CD247: variants seen among roughly 807,000 people sequenced by gnomAD.
CD247 encodes T-cell surface glycoprotein CD3 zeta chain.
Under a neutral mutation model 30.0 loss-of-function variants are expected in CD247, and 13 were observed. The ratio of observed to expected loss-of-function variants is 0.43; its 90% confidence interval spans 0.28 to 0.69. The LOEUF is 0.69. Ranked by LOEUF, CD247 falls within the 30% of genes least tolerant of loss-of-function variation. The pLI is 0.16. For synonymous variants in CD247, 72 were observed against 80.0 expected (o/e 0.90, Z 0.53); for missense variants, 193 against 212.6 (o/e 0.91, Z 0.57).
chr1:167,512,014 T>C (rs1459217433), intron 1 of CD247, among the ~76,000 whole-genome samples: 1 of 152,156 alleles, frequency 6.6e-6, no homozygotes, highest in African/African-American at 2.4e-5. Flanking sequence ...GTCCTGCTTG[T>C]CTTTGTTCTA....
chr1:167,431,827 T>A (rs1163415711), intron 7 of CD247, 81 bp from the exon 8 acceptor site: 1 of 1,191,928 alleles, frequency 8.4e-7, no homozygotes, highest in Non-Finnish European at 1.3e-6. Flanking sequence ...CCAACAGGTG[T>A]CTCTGCAGCA....
chr1:167,474,817 A>G (rs1470319408), intron 1 of CD247, among the ~76,000 whole-genome samples: 1 of 141,128 alleles, frequency 7.1e-6, no homozygotes, highest in Non-Finnish European at 1.5e-5. Flanking sequence ...CAGTGGTACG[A>G]TCTCCACTCA....
chr1:167,498,749 G>C (rs976363471), intron 1 of CD247, among the ~76,000 whole-genome samples: 1 of 152,150 alleles, frequency 6.6e-6, no homozygotes, highest in African/African-American at 2.4e-5. Flanking sequence ...CTTTAATTTA[G>C]GTCTGATTGC....
Position 167,432,904 on chromosome 1 carries a change from G to T in CD247, c.429+120C>A, listed in dbSNP as rs1651341215. On this transcript the variant is annotated intron_variant, in intron 7 of 7. Transcript: ENST00000362089. ...CCACTGGCCTAAATGGGTGCCTTGGGCTTGCCCTGCCCAGCTGTTGGCAAG... is the reference window on the plus strand; with the variant it reads ...CCACTGGCCTAAATGGGTGCCTTGGTCTTGCCCTGCCCAGCTGTTGGCAAG... 7 of 1,085,818 alleles carry T rather than the reference G, an allele frequency of 6.4e-6. No individual in the cohort carries two copies. The South Asian group carries it at 9.0e-5, about 14-fold the overall frequency. 67.3% of individuals were successfully genotyped at this position (1,085,818 alleles called of 1,614,324 possible). A position where few individuals can be genotyped will look rare whatever the true frequency, so the allele number is the denominator to read the frequency against.
intron 1 of CD247, among the ~76,000 whole-genome samples, chr1:167,517,460 C>G (rs1433179612): frequency 6.6e-6 from 1 of 152,240 alleles, no homozygotes; most frequent in Non-Finnish European, 1.5e-5. Context: ...TCCCCCTGAG[C>G]AGTTTGTCCT....
At chr1:167,493,913 A>C (rs542478261) in intron 1 of CD247, among the ~76,000 whole-genome samples, 1 of 152,348 alleles carries the variant, frequency 6.6e-6, no homozygotes, top group Admixed American at 6.5e-5. Flanking sequence ...GGTCAGGCAC[A>C]GAATCAGCAA....
intron 1 of CD247, among the ~76,000 whole-genome samples, chr1:167,474,327 G>A (rs1345755827): frequency 3.3e-5 from 5 of 151,924 alleles, no homozygotes; most frequent in African/African-American, 9.7e-5. Flanking sequence ...CACAGTCAAC[G>A]CATCACTGAG....
intron 1 of CD247, among the ~76,000 whole-genome samples, chr1:167,459,456 G>A (rs1354832895): frequency 3.4e-5 from 5 of 148,412 alleles, no homozygotes; most frequent in East Asian, 2.1e-4. Flanking sequence ...GGGTTCAAGC[G>A]ATTTTCCTGC....
chr1:167,473,565 C>T (rs1432419506), intron 1 of CD247, among the ~76,000 whole-genome samples: 1 of 152,094 alleles, frequency 6.6e-6, no homozygotes, highest in Admixed American at 6.5e-5. Context: ...AAGGAACAGC[C>T]CAGACCAAGT....
chr1:167,508,054 C>G (rs925017137), intron 1 of CD247, among the ~76,000 whole-genome samples: 1 of 152,132 alleles, frequency 6.6e-6, no homozygotes, highest in African/African-American at 2.4e-5. Flanking sequence ...AAGAAATTGT[C>G]ATGAAGATCA....
intron 1 of CD247, among the ~76,000 whole-genome samples, chr1:167,449,178 A>G (rs1365029956): frequency 5.4e-5 from 1 of 18,532 alleles, no homozygotes; most frequent in African/African-American, 5.1e-4. Flanking sequence ...TTTGAGACAG[A>G]GTCTCGCTTT....
chr1:167,463,352 C>A (rs546446191), intron 1 of CD247, among the ~76,000 whole-genome samples: 1 of 152,284 alleles, frequency 6.6e-6, no homozygotes, highest in African/African-American at 2.4e-5. Context: ...CAGGATGCAC[C>A]CAATTAGCAG....
At chr1:167,467,966 G>T (rs576041677) in intron 1 of CD247, among the ~76,000 whole-genome samples, 3 of 152,048 alleles carry the variant, frequency 2.0e-5, no homozygotes, top group Non-Finnish European at 4.4e-5. Flanking sequence ...AGGCGCAAAA[G>T]CAAATAATAA....
chr1:167,456,381 G>A (rs1209656528), intron 1 of CD247, among the ~76,000 whole-genome samples: 1 of 152,180 alleles, frequency 6.6e-6, no homozygotes, highest in Non-Finnish European at 1.5e-5. Context: ...TCTCTGGCTT[G>A]AGCTAACCAG....
intron 4 of CD247, 36 bp downstream of exon 4, chr1:167,438,534 A>C: frequency 6.5e-7 from 1 of 1,538,810 alleles, no homozygotes; most frequent in Non-Finnish European, 9.0e-7. Flanking sequence ...CCCACCACAC[A>C]TGCAGGAACA....
intron 1 of CD247, among the ~76,000 whole-genome samples, chr1:167,472,987 C>T (rs773691971): frequency 6.5e-4 from 99 of 152,302 alleles, no homozygotes; most frequent in Non-Finnish European, 1.2e-3. Flanking sequence ...TGCCCACCTG[C>T]TCCTCTGGCC....
At chr1:167,475,302 T>A (rs1653700426) in intron 1 of CD247, among the ~76,000 whole-genome samples, 1 of 152,206 alleles carries the variant, frequency 6.6e-6, no homozygotes, top group Non-Finnish European at 1.5e-5. Context: ...TGTTTTTCTA[T>A]ATCCCTACCC....
chr1:167,443,347 C>T (rs1651927536), intron 1 of CD247, among the ~76,000 whole-genome samples: 1 of 152,204 alleles, frequency 6.6e-6, no homozygotes. Flanking sequence ...AGATGCTGGG[C>T]CCAGCCCCAG....
intron 1 of CD247, among the ~76,000 whole-genome samples, chr1:167,496,052 G>A (rs1654677591): frequency 6.6e-6 from 1 of 152,118 alleles, no homozygotes; most frequent in South Asian, 2.1e-4. Context: ...TGCTGCTGTG[G>A]TTCAGTTTGT....
Sources: allele counts gnomAD v4.1 joint callset (sites outside exome capture counted in the v4.1 genomes callset), GRCh38; gene constraint gnomAD v4.1.1; transcripts MANE v1.5; gene names NCBI Gene and HGNC (gene_info 2026-07-23, HGNC 2026-07-21).